Variants in OR13G1 observed in about 807,000 individuals in gnomAD.
OR13G1 encodes the protein olfactory receptor 13G1.
For missense variants in OR13G1, 369 were observed against 385.7 expected (o/e 0.96, Z 0.36); for synonymous variants, 128 against 136.2 (o/e 0.94, Z 0.42).
Position 247,672,753 on chromosome 1 carries a change from G to A in OR13G1, c.289C>T (p.Gln97Ter), listed in dbSNP as rs751983933. ...AGAGACCATGTGAACAAGAAGAGCT[G>A]GGACATGCAGCCTGCATATGAAATG... ...NTISYAGCMS[Q>*]LFLFTWSLGA... is the part of the protein sequence containing the mutation. The change falls in exon 2 of 2, where the codon CAG becomes TAG. Residue 97 changes from glutamine to a stop codon, truncating the protein, a stop_gained. Coordinates refer to ENST00000642119, the MANE Select transcript of OR13G1 (RefSeq NM_001005487.2). LOFTEE classifies it low-confidence loss of function (END_TRUNC). 6 of 1,614,060 alleles carry A rather than the reference G, an allele frequency of 3.7e-6. No homozygotes were observed. Among genetic ancestry groups the A allele is most frequent in the Admixed American group, 1.7e-5 (1 of 59,958 alleles).
chr1:247,672,108 G>A lies in OR13G1; in HGVS notation c.*10C>T, dbSNP rs1009803628. The A allele has an allele frequency of 1.9e-6, 3 of 1,600,316 alleles. No homozygotes were observed. The African/African-American group carries it at 4.0e-5, about 21-fold the overall frequency. On this transcript the variant is annotated 3_prime_UTR_variant, in exon 2 of 2. Coordinates refer to ENST00000642119, the MANE Select transcript of OR13G1 (RefSeq NM_001005487.2). ...CTGGAGTACAGAAGTGATGTTGCAT[G>A]TTGAAACTACTAGTGTTTCAGAAAT...
chr1:247,678,741 A>G (rs538715767), intron 1 of OR13G1, among the ~76,000 whole-genome samples: 1 of 152,320 alleles, frequency 6.6e-6, no homozygotes, highest in South Asian at 2.1e-4. Context: ...AATTGTAAAA[A>G]GAGAAAAGGT....
chr1:247,672,615 T>C lies in OR13G1; in HGVS notation c.427A>G (p.Ser143Gly). The C allele has an allele frequency of 1.9e-6, 3 of 1,614,048 alleles. No individual in the cohort carries two copies. The highest frequency in any genetic ancestry group is 2.5e-6 in the Non-Finnish European group (3 of 1,179,962). ...GTGACTGCAATAGCCATGACCATGC[T>C]GAGCAAGGCTACACACATATGGTGG... Reference protein sequence around the residue: ...MNHHMCVALLSMVMAIAVTNS... With the variant: ...MNHHMCVALLGMVMAIAVTNS... Residue 143 changes from serine to glycine, a missense_variant, in exon 2 of 2, where the codon AGC (serine) becomes GGC (glycine). Transcript: ENST00000642119.
intron 1 of OR13G1, among the ~76,000 whole-genome samples, chr1:247,674,419 T>C (rs1659300627): frequency 1.3e-5 from 2 of 152,250 alleles, no homozygotes. Flanking sequence ...TCCACAAATC[T>C]AGTCTGTTTT....
rs970819820 is a variant in OR13G1 at position 247,671,465 on chromosome 1, A to C, written c.*653T>G. 43 of 152,544 alleles carry C rather than the reference A, an allele frequency of 2.8e-4. 1 individual carries two copies. The highest frequency in any genetic ancestry group is 1.0e-3 in the African/African-American group (42 of 41,448). The allele number at this position is 152,544 out of a possible 1,614,324, so 9.4% of individuals were successfully genotyped here. A position where few individuals can be genotyped will look rare whatever the true frequency, so the allele number is the denominator to read the frequency against. On this transcript the variant is annotated 3_prime_UTR_variant, in exon 2 of 2. Coordinates refer to ENST00000642119, the MANE Select transcript of OR13G1 (RefSeq NM_001005487.2). Reference sequence around the variant, plus strand: ...CATACACACTATTGACTGCCTGCCTAATGTCAGACTAATGTTGCATGAGGC... The same window carrying C: ...CATACACACTATTGACTGCCTGCCTCATGTCAGACTAATGTTGCATGAGGC...
chr1:247,676,838 T>C (rs188006111), intron 1 of OR13G1, among the ~76,000 whole-genome samples: 8 of 152,304 alleles, frequency 5.3e-5, no homozygotes, highest in East Asian at 3.9e-4. Flanking sequence ...TATCTTCCCT[T>C]ATATGGGACA....
chr1:247,677,191 C>T (rs1659361905), intron 1 of OR13G1, among the ~76,000 whole-genome samples: 2 of 152,036 alleles, frequency 1.3e-5, no homozygotes, highest in South Asian at 2.1e-4. Context: ...TGCAGTGAGC[C>T]GAGATTGTGC....
intron 1 of OR13G1, among the ~76,000 whole-genome samples, chr1:247,676,424 C>A (rs1156484724): frequency 6.6e-6 from 1 of 151,540 alleles, no homozygotes; most frequent in Non-Finnish European, 1.5e-5. Context: ...TTAAGAATAA[C>A]CAGATTGGGT....
In OR13G1 at chr1:247,672,199, T is replaced by C; in HGVS notation, c.843A>G (p.Thr281=). The part of the protein sequence containing the change: ...VAALYTLVTP[T]LNPMVYSFQN... ...GGAAGCTGTACACCATCGGGTTTAA[T>C]GTGGGAGTCACAAGAGTATAGAGTG... The change falls in exon 2 of 2, where the codon ACA becomes ACG. Residue 281 remains threonine, a synonymous_variant. Coordinates refer to ENST00000642119, the MANE Select transcript of OR13G1 (RefSeq NM_001005487.2). 6.2e-7 allele frequency: 1 copy of C among 1,614,140 alleles called. No individual in the cohort carries two copies. The highest frequency in any genetic ancestry group is 8.5e-7 in the Non-Finnish European group (1 of 1,180,002).
At chr1:247,678,644 A>C (rs1302521123) in intron 1 of OR13G1, among the ~76,000 whole-genome samples, 2 of 152,218 alleles carry the variant, frequency 1.3e-5, no homozygotes, top group African/African-American at 2.4e-5. Flanking sequence ...ACTAGAAAAG[A>C]AGTGAAAGTA....
rs770029402 is a variant in OR13G1 at position 247,672,515 on chromosome 1, C to T, written c.527G>A (p.Cys176Tyr). Residue 176 changes from cysteine (C) to tyrosine (Y), a missense_variant, in exon 2 of 2, where the codon TGT becomes TAT. Transcript: ENST00000642119. ...CGPNTIDHFF[C>Y]EIPPLLALSC... The stretch of plus-strand genomic sequence containing the variant: ...CAAAGCCAGCAATGGGGGTATCTCA[C>T]AGAAGAAGTGGTCAATGGTGTTTGG... 10 of 1,613,974 alleles carry T rather than the reference C, an allele frequency of 6.2e-6. No homozygotes were observed. The Admixed American group carries it at 1.5e-4, about 24-fold the overall frequency.
At chr1:247,676,183 T>A (rs541966237) in intron 1 of OR13G1, among the ~76,000 whole-genome samples, 1 of 152,178 alleles carries the variant, frequency 6.6e-6, no homozygotes, top group Non-Finnish European at 1.5e-5. Context: ...TCACCGAGAT[T>A]CTTTGAGGAT....
rs1279798104 is a variant in OR13G1 at position 247,671,217 on chromosome 1, G to A, written c.*901C>T. ...GAAATGGTGTAATAATATAGCTATA[G>A]CCAATGAGATGTAGCTTATACTTAC... On this transcript the variant is annotated 3_prime_UTR_variant, in exon 2 of 2. Transcript: ENST00000642119. 1 of 152,086 alleles carries A rather than the reference G, an allele frequency of 6.6e-6. No individual in the cohort carries two copies. Among genetic ancestry groups the A allele is most frequent in the Non-Finnish European group, 1.5e-5 (1 of 68,018 alleles). The allele number at this position is 152,086 out of a possible 1,614,324, so 9.4% of individuals were successfully genotyped here. A position where few individuals can be genotyped will look rare whatever the true frequency, so the allele number is the denominator to read the frequency against.
chr1:247,674,524 G>T (rs1486259337), intron 1 of OR13G1, among the ~76,000 whole-genome samples: 1 of 152,060 alleles, frequency 6.6e-6, no homozygotes, highest in African/African-American at 2.4e-5. Context: ...GAAAAAAATA[G>T]AGCTTTTGTC....
rs28402945 is a variant in OR13G1 at position 247,672,772 on chromosome 1, T to C, written c.270A>G (p.Ser90=). The C allele has an allele frequency of 2.5e-6, 4 of 1,613,052 alleles. No homozygotes were observed. Among genetic ancestry groups the C allele is most frequent in the African/African-American group, 2.7e-5 (2 of 74,982 alleles). Residue 90 remains serine, a synonymous_variant, in exon 2 of 2, where the codon TCA becomes TCG. Coordinates refer to ENST00000642119, the MANE Select transcript of OR13G1 (RefSeq NM_001005487.2). ...GTMLTSENTI[S]YAGCMSQLFL... is the part of the protein sequence containing the mutation. ...AGAGCTGGGACATGCAGCCTGCATA[T>C]GAAATGGTATTTTCTGATGTTAGCA...
intron 1 of OR13G1, among the ~76,000 whole-genome samples, chr1:247,674,693 T>G (rs1659307065): frequency 6.6e-6 from 1 of 152,134 alleles, no homozygotes. Flanking sequence ...GCACATTGAG[T>G]CTTTAATATT....
chr1:247,673,020 C>G lies in OR13G1; in HGVS notation c.22G>C (p.Glu8Gln). Residue 8 changes from glutamate (E) to glutamine (Q), a missense_variant, in exon 2 of 2, where the codon GAG (glutamate) becomes CAG (glutamine). By Grantham distance (29) the Glu-to-Gln change is conservative. Transcript: ENST00000642119. MNHSVVT[E>Q]FIILGLTKKP... The stretch of plus-strand genomic sequence containing the variant: ...TTGGTGAGGCCCAGAATAATGAACT[C>G]AGTTACAACGCTGTGATTCATCCTG... 6.2e-7 allele frequency: 1 copy of G among 1,611,370 alleles called. No homozygotes were observed. The highest frequency in any genetic ancestry group is 8.5e-7 in the Non-Finnish European group (1 of 1,178,746).
intron 1 of OR13G1, among the ~76,000 whole-genome samples, chr1:247,676,465 T>C (rs1572440899): frequency 7.0e-6 from 1 of 143,128 alleles, no homozygotes; most frequent in South Asian, 2.3e-4. Flanking sequence ...CAATTAATTC[T>C]ATAATAATTA....
intron 1 of OR13G1, among the ~76,000 whole-genome samples, chr1:247,674,232 C>G (rs1659275390): frequency 6.6e-6 from 1 of 152,148 alleles, no homozygotes; most frequent in African/African-American, 2.4e-5. Context: ...CAGACAGTTA[C>G]ACGAATTCAT....
Sources: allele counts gnomAD v4.1 joint callset (sites outside exome capture counted in the v4.1 genomes callset), GRCh38; gene constraint gnomAD v4.1.1; transcripts MANE v1.5; gene names NCBI Gene and HGNC (gene_info 2026-07-23, HGNC 2026-07-21).